The following MYO18A variants were observed in gnomAD, a reference collection of about 807,000 sequenced individuals.
MYO18A encodes the protein unconventional myosin-XVIIIa.
A neutral mutation model predicts 235.8 loss-of-function variants in MYO18A; 78 were observed. The ratio of observed to expected loss-of-function variants is 0.33; its 90% CI spans 0.28 to 0.40. The LOEUF is 0.40. MYO18A is among the 10% of genes least tolerant of loss of function. MYO18A has a pLI of 1.00. For synonymous variants in MYO18A, 977 were observed against 1,077.8 expected (o/e 0.91, Z 1.83); for missense variants, 2,215 against 2,699.3 (o/e 0.82, Z 3.98).
chr17:29,113,945 C>A, intron 15 of MYO18A, 66 bp downstream of exon 15: 1 of 1,340,500 alleles, frequency 7.5e-7, no homozygotes, highest in South Asian at 1.3e-5. Context: ...GGGGAGGGCT[C>A]CACCACGGGG....
rs1161980433 is a variant in MYO18A, at chr17:29,118,008, G to C, written c.2038+37C>G. 6.4e-7 allele frequency: 1 copy of C among 1,558,564 alleles called. No individual in the cohort carries two copies. The highest frequency in any genetic ancestry group is 8.7e-7 in the Non-Finnish European group (1 of 1,151,692). On this transcript the variant is annotated intron_variant, in intron 10 of 41. Coordinates refer to ENST00000527372, the MANE Select transcript of MYO18A (RefSeq NM_078471.4). The surrounding 1 kb of genome is among the most constrained non-coding windows in gnomAD (Gnocchi z 4.2). ...GCAGGGTCCCTGTGAGGTCACCCAG[G>C]GGACAGGCCAGCCTACTGGGACCCA...
In MYO18A at chr17:29,111,417, G is replaced by A. The variant is rs755285482; in HGVS notation, c.2900+7C>T. On this transcript the variant is annotated splice_region_variant and intron_variant, in intron 17 of 41. Coordinates refer to ENST00000527372, the MANE Select transcript of MYO18A (RefSeq NM_078471.4). The surrounding 1 kb of genome is among the most constrained non-coding windows in gnomAD (Gnocchi z 5.1). Reference sequence around the variant, plus strand: ...CAGAACAGGGGCGGAGGGAGTGGTGGTCTTACTTCTGGGAGTCCTGCAGGA... The same window carrying A: ...CAGAACAGGGGCGGAGGGAGTGGTGATCTTACTTCTGGGAGTCCTGCAGGA... 3 of 1,611,450 alleles carry A rather than the reference G, an allele frequency of 1.9e-6. No homozygotes were observed. Among genetic ancestry groups the A allele is most frequent in the Non-Finnish European group, 2.5e-6 (3 of 1,178,952 alleles).
chr17:29,075,046 C>T (rs1167447151), intron 41 of MYO18A, 132 bp from the exon 42 acceptor site: 2 of 1,032,090 alleles, frequency 1.9e-6, no homozygotes, highest in Non-Finnish European at 2.8e-6. Context: ...AAGTAAAAAC[C>T]TTCCTTGGCT....
intron 2 of MYO18A, among the ~76,000 whole-genome samples, chr17:29,139,025 C>T (rs1389653732): frequency 2.0e-5 from 3 of 152,174 alleles, no homozygotes; most frequent in Non-Finnish European, 2.9e-5. Context: ...TGCCAGACAG[C>T]GGGGGAGGGG....
chr17:29,099,311 T>C (rs1461801586), intron 22 of MYO18A, among the ~76,000 whole-genome samples: 1 of 152,212 alleles, frequency 6.6e-6, no homozygotes, highest in Non-Finnish European at 1.5e-5. Context: ...GAGGCGGCAG[T>C]GCTGGCTGTT....
chr17:29,107,209 G>A lies in MYO18A; in HGVS notation c.3332-20C>T. On this transcript the variant is annotated intron_variant, in intron 19 of 41. Coordinates refer to ENST00000527372, the MANE Select transcript of MYO18A (RefSeq NM_078471.4). ...GGTAACCTAGAGAGAGCAGCCCAGA[G>A]CCAGGCCTGTCAACGCCACCTGCTC... is the stretch of plus-strand genomic sequence containing the variant. The A allele has an allele frequency of 6.2e-7, 1 of 1,612,596 alleles. No individual in the cohort carries two copies.
rs1463623362 is a variant in MYO18A at position 29,073,327 on chromosome 17, C to T, written c.*1443G>A. ...TCTTCCTTGGCCAATCCCCTCATTC[C>T]ACTACCTCTGCCTGCCCCAAAATGA... On this transcript the variant is annotated 3_prime_UTR_variant, in exon 42 of 42. Transcript: ENST00000527372. 6.5e-6 allele frequency: 1 copy of T among 152,878 alleles called. No homozygotes were observed. The highest frequency in any genetic ancestry group is 2.4e-5 in the African/African-American group (1 of 41,468). The allele number at this position is 152,878 out of a possible 1,614,324, so 9.5% of individuals were successfully genotyped here.
intron 1 of MYO18A, among the ~76,000 whole-genome samples, chr17:29,172,489 GA>G (rs201013508): frequency 8.1e-4 from 122 of 151,322 alleles, no homozygotes; most frequent in African/African-American, 2.6e-3. Context: ...AAATAAAAAT[GA>G]AAAAAAATAT....
chr17:29,122,098 G>A, intron 3 of MYO18A, 68 bp downstream of exon 3: 1 of 1,544,824 alleles, frequency 6.5e-7, no homozygotes, highest in Non-Finnish European at 8.9e-7. Context: ...GATGCAGAAG[G>A]CACATTCGCT....
At chr17:29,078,906 T>C (rs1481674056) in intron 41 of MYO18A, 1 of 152,332 alleles carries the variant, frequency 6.6e-6, no homozygotes, top group Non-Finnish European at 1.5e-5. Context: ...AGAACCAAGG[T>C]GACGCCCATG....
At chr17:29,101,570 G>C (rs1281750819) in intron 21 of MYO18A, among the ~76,000 whole-genome samples, 2 of 152,242 alleles carry the variant, frequency 1.3e-5, no homozygotes, top group African/African-American at 2.4e-5. Context: ...GCCTCCCAAA[G>C]TGGTAGGATT....
chr17:29,154,655 CT>C, intron 2 of MYO18A, among the ~76,000 whole-genome samples: 1 of 152,320 alleles, frequency 6.6e-6, no homozygotes, highest in Non-Finnish European at 1.5e-5. Flanking sequence ...TGCCCGTGTC[CT>C]TTAGGGAACC....
intron 34 of MYO18A, chr17:29,091,141 T>C (rs2066389237): frequency 3.7e-6 from 2 of 545,610 alleles, no homozygotes; most frequent in Admixed American, 3.2e-5. Flanking sequence ...AGGCAGACCC[T>C]GGGCCTCTGA....
rs2067706067 is a variant in MYO18A at position 29,140,317 on chromosome 17, T to TG, written c.1000-18065dup. On this transcript the variant is annotated intron_variant, in intron 2 of 41. Coordinates refer to ENST00000527372, the MANE Select transcript of MYO18A (RefSeq NM_078471.4). This position sits in a 1 kb window ranked among gnomAD's most constrained non-coding sequence, Gnocchi z 4.2. ...TGAGGAGCCTGGGACATTTCCGGGG[T>TG]GGGGGGTCAGAGGGACACTCACCCG... The TG allele has an allele frequency of 2.4e-6, 3 of 1,231,070 alleles. No homozygotes were observed. Among genetic ancestry groups the TG allele is most frequent in the African/African-American group, 1.6e-5 (1 of 63,156 alleles). The allele number at this position is 1,231,070 out of a possible 1,614,324, so 76.3% of individuals were successfully genotyped here.
chr17:29,074,703 T>C lies in MYO18A; in HGVS notation c.*67A>G. The C allele has an allele frequency of 6.3e-7, 1 of 1,577,410 alleles. No homozygotes were observed. The highest frequency in any genetic ancestry group is 1.7e-4 in the Middle Eastern group (1 of 5,968). ...GTGGGGGAGACCGGTGCCCCACCAC[T>C]TCCTGGGAGAGGTGCCCAGGCAGCC... On this transcript the variant is annotated 3_prime_UTR_variant, in exon 42 of 42. Transcript: ENST00000527372. The surrounding 1 kb of genome is among the most constrained non-coding windows in gnomAD (Gnocchi z 4.4).
In MYO18A at chr17:29,170,474, CAA is replaced by C. The variant is rs972684425; in HGVS notation, c.-81-3455_-81-3454del. On this transcript the variant is annotated intron_variant, in intron 1 of 41. Coordinates refer to ENST00000527372, the MANE Select transcript of MYO18A (RefSeq NM_078471.4). ...TTCCGGCACCTCCTGGCCTCAGGTC[CAA>C]AGTCTCCAACAGCTCTGATACCACT... Among the ~76,000 whole-genome samples, 18 of 152,302 alleles carry C rather than the reference CAA, an allele frequency of 1.2e-4. 1 individual carries two copies. Among genetic ancestry groups the C allele is most frequent in the African/African-American group, 3.8e-4 (16 of 41,562 alleles).
At chr17:29,131,449 G>C (rs1305380412) in intron 2 of MYO18A, 1 of 985,582 alleles carries the variant, frequency 1.0e-6, no homozygotes, top group Non-Finnish European at 1.2e-6. Context: ...TAACCTGAGG[G>C]AGCAGATGAA....
At chr17:29,146,233 G>A (rs1401917071) in intron 2 of MYO18A, among the ~76,000 whole-genome samples, 4 of 151,750 alleles carry the variant, frequency 2.6e-5, no homozygotes, top group African/African-American at 7.3e-5. Context: ...ACTCCAGCCC[G>A]GGCGACAGAG....
intron 1 of MYO18A, among the ~76,000 whole-genome samples, chr17:29,179,798 G>C (rs1018010939): frequency 6.6e-6 from 1 of 152,186 alleles, no homozygotes; most frequent in African/African-American, 2.4e-5. Flanking sequence ...AGAGGAGCCC[G>C]CAGTCTGCCC....
Sources: allele counts gnomAD v4.1 joint callset (sites outside exome capture counted in the v4.1 genomes callset), GRCh38; gene constraint gnomAD v4.1.1; non-coding constraint Gnocchi (gnomAD v3.1); transcripts MANE v1.5; gene names NCBI Gene and HGNC (gene_info 2026-07-23, HGNC 2026-07-21).